The following UBE2V1 variants were observed in gnomAD, a reference collection of about 807,000 sequenced individuals.
The protein encoded by UBE2V1 is ubiquitin-conjugating enzyme E2 variant 1.
A neutral mutation model predicts 19.6 loss-of-function variants in UBE2V1; 15 were observed. That is an observed-to-expected ratio of 0.77 (90% confidence interval 0.51 to 1.18). The LOEUF (loss-of-function observed/expected upper bound fraction) is 1.18, where lower values mean the gene tolerates loss of function less well. Ranked by LOEUF, UBE2V1 falls within the 50% of genes most tolerant of loss-of-function variation. UBE2V1 has a pLI of 0.00. For synonymous variants in UBE2V1, 60 were observed against 60.7 expected, an observed-to-expected ratio of 0.99 and a Z score of 0.05; for missense variants, 125 against 184.8, an observed-to-expected ratio of 0.68 and a Z score of 1.88.
intron 2 of UBE2V1, among the ~76,000 whole-genome samples, chr20:50,086,614 G>C (rs1452228238): frequency 6.6e-6 from 1 of 152,062 alleles, no homozygotes; most frequent in East Asian, 1.9e-4. Flanking sequence ...ATCCTGAATG[G>C]AGCAAAAATC....
chr20:50,087,464 A>G (rs1409552233), intron 2 of UBE2V1, among the ~76,000 whole-genome samples: 1 of 150,490 alleles, frequency 6.6e-6, no homozygotes. Context: ...TGGTTTTTTT[A>G]TTTTGTTCAT....
chr20:50,103,302 G>T (rs748261039), intron 1 of UBE2V1, among the ~76,000 whole-genome samples: 4 of 152,108 alleles, frequency 2.6e-5, no homozygotes, highest in Non-Finnish European at 5.9e-5. Context: ...TTCTAATCTG[G>T]TTTATTTTTG....
chr20:50,111,668 C>T (rs2080761814), intron 1 of UBE2V1: 1 of 830,860 alleles, frequency 1.2e-6, no homozygotes, highest in Non-Finnish European at 1.5e-6. Flanking sequence ...TCACTTCAGT[C>T]AGATCCCCCA....
At chr20:50,088,250 T>A (rs1382784836) in intron 2 of UBE2V1, among the ~76,000 whole-genome samples, 2 of 151,854 alleles carry the variant, frequency 1.3e-5, no homozygotes, top group Non-Finnish European at 1.5e-5. Context: ...GATGACTAAG[T>A]GTAATGTGGT....
intron 2 of UBE2V1, among the ~76,000 whole-genome samples, chr20:50,094,013 T>A (rs71353203): frequency 0.066 from 5,353 of 80,634 alleles, 242 homozygotes; most frequent in Non-Finnish European, 0.091. Flanking sequence ...AAAAAAAAAA[T>A]AATAATAATA....
At chr20:50,089,970 C>G (rs2079129676) in intron 2 of UBE2V1, among the ~76,000 whole-genome samples, 1 of 152,166 alleles carries the variant, frequency 6.6e-6, no homozygotes, top group Non-Finnish European at 1.5e-5. Context: ...TGCACTCCCC[C>G]AACCAGGCTT....
intron 1 of UBE2V1, among the ~76,000 whole-genome samples, chr20:50,101,497 C>A (rs2079990584): frequency 7.6e-6 from 1 of 132,362 alleles, no homozygotes; most frequent in African/African-American, 2.9e-5. Flanking sequence ...CAGCTCACTG[C>A]AACCTCTGCC....
intron 1 of UBE2V1, among the ~76,000 whole-genome samples, chr20:50,109,641 C>CAG (rs932364439): frequency 2.7e-5 from 4 of 150,906 alleles, no homozygotes; most frequent in African/African-American, 4.9e-5. Context: ...CCCAGCTACT[C>CAG]AGGAGGCTGA....
At position 50,082,793 on chromosome 20, in the gene UBE2V1, G is replaced by A; in HGVS notation, c.419C>T (p.Pro140Leu). 1 of 1,613,002 alleles carries A rather than the reference G, an allele frequency of 6.2e-7. No individual in the cohort carries two copies. Among genetic ancestry groups the A allele is most frequent in the South Asian group, 1.1e-5 (1 of 91,060 alleles). ...TTAATTGCTGTAACACTGTCCTTCG[G>A]GCGGCTGAGGGAGTTTCATATTTTC... is the stretch of plus-strand genomic sequence containing the variant. ...SKENMKLPQP[P>L]EGQCYSN Residue 140 changes from proline (P) to leucine (L), a missense_variant, in exon 4 of 4, where the codon CCC becomes CTC. Pro to Leu is a moderately conservative substitution (Grantham distance 98). Transcript: ENST00000371674.
chr20:50,085,957 A>ACCCCATAT (rs1222139024), intron 2 of UBE2V1, among the ~76,000 whole-genome samples: 1 of 151,780 alleles, frequency 6.6e-6, no homozygotes, highest in Admixed American at 6.6e-5. Flanking sequence ...TCTGAAAGAG[A>ACCCCATAT]CCCCATATCC....
intron 1 of UBE2V1, among the ~76,000 whole-genome samples, chr20:50,110,224 G>C (rs147857711): frequency 3.1e-4 from 47 of 152,340 alleles, no homozygotes; most frequent in African/African-American, 9.9e-4. Flanking sequence ...TGCAATCCTG[G>C]CCAAGGCAGG....
chr20:50,102,421 T>A (rs2080062474), intron 1 of UBE2V1, among the ~76,000 whole-genome samples: 1 of 152,210 alleles, frequency 6.6e-6, no homozygotes, highest in African/African-American at 2.4e-5. Context: ...GCATGTTCAT[T>A]GTACTCTCAC....
chr20:50,115,024 C>T (rs911697240), upstream of UBE2V1: 3 of 152,256 alleles, frequency 2.0e-5, no homozygotes, highest in Admixed American at 6.6e-5. Flanking sequence ...TGAGATTGCA[C>T]CATTGCATTC....
In UBE2V1 at chr20:50,082,871, G is replaced by T. The variant is rs2078701284; in HGVS notation, c.341C>A (p.Ser114Ter). The change falls in exon 4 of 4, where the codon TCA becomes TAA. Residue 114 changes from serine to a stop codon, truncating the protein, a stop_gained. Transcript: ENST00000371674. LOFTEE classifies it high-confidence loss of function. ...AISVLAKWQN[S>*]YSIKVVLQEL... ...TTGCAGGACAACTTTGATGCTATAT[G>T]AATTCTGCCATTTTGCTAGCACTGA... 6.2e-7 allele frequency: 1 copy of T among 1,612,186 alleles called. No individual in the cohort carries two copies. Among genetic ancestry groups the T allele is most frequent in the Non-Finnish European group, 8.5e-7 (1 of 1,179,852 alleles).
chr20:50,115,065 C>CAAA, upstream of UBE2V1: 2 of 129,148 alleles, frequency 1.5e-5, no homozygotes, highest in Non-Finnish European at 3.3e-5. Flanking sequence ...GATTCAGTCT[C>CAAA]AAAAAAAAAA....
At chr20:50,113,515 G>A (rs547059853), upstream of UBE2V1, among the ~76,000 whole-genome samples, 1 of 152,200 alleles carries the variant, frequency 6.6e-6, no homozygotes, top group African/African-American at 2.4e-5. Flanking sequence ...CCACATCTCC[G>A]CAAGGTCAGA....
At chr20:50,115,533 T>C, upstream of UBE2V1, 1 of 1,596,696 alleles carries the variant, frequency 6.3e-7, no homozygotes, top group Non-Finnish European at 8.6e-7. Flanking sequence ...TCACTCAGTT[T>C]GCTTTGTGAC....
chr20:50,111,245 C>T (rs2147218997), intron 1 of UBE2V1: 1 of 985,488 alleles, frequency 1.0e-6, no homozygotes, highest in African/African-American at 1.7e-5. Context: ...TAGACAGCAG[C>T]TGACATTTTA....
At chr20:50,096,858 T>A (rs2079656434) in intron 1 of UBE2V1, 38 bp from the exon 2 acceptor site, 14 of 1,612,338 alleles carry the variant, frequency 8.7e-6, no homozygotes, top group Non-Finnish European at 1.2e-5. Flanking sequence ...TACCAGCAAC[T>A]CCAGGGGAAC....
Sources: gnomAD v4.1 joint callset for allele counts (sites outside exome capture counted in the v4.1 genomes callset) on GRCh38, gnomAD v4.1.1 for gene constraint, MANE v1.5 for transcripts, NCBI Gene and HGNC (gene_info 2026-07-23, HGNC 2026-07-21) for gene names.